The following RPTOR variants were observed in gnomAD, a reference collection of about 807,000 sequenced individuals.
RPTOR encodes regulatory-associated protein of mTOR.
In RPTOR, 21 loss-of-function variants were observed where a neutral mutation model predicts 169.9. The ratio of observed to expected loss-of-function variants is 0.12; its 90% CI spans 0.09 to 0.18. RPTOR has a LOEUF of 0.18. Ranked by LOEUF, RPTOR falls within the 10% of genes least tolerant of loss-of-function variation. RPTOR has a pLI of 1.00. For missense variants in RPTOR, 1,133 were observed against 1,855.9 expected (o/e 0.61, Z 7.16); for synonymous variants, 732 against 753.2 (o/e 0.97, Z 0.46).
chr17:80,568,716 CTAGA>C (rs773839168), intron 1 of RPTOR, among the ~76,000 whole-genome samples: 1 of 152,200 alleles, frequency 6.6e-6, no homozygotes, highest in Non-Finnish European at 1.5e-5. Context: ...ATTTTAGATG[CTAGA>C]TATTGTCCCA....
intron 6 of RPTOR, among the ~76,000 whole-genome samples, chr17:80,766,342 C>T (rs761354002): frequency 9.2e-5 from 14 of 152,206 alleles, no homozygotes; most frequent in Non-Finnish European, 1.6e-4. Flanking sequence ...CATGAGGCAC[C>T]ATGTCTGGTC....
intron 20 of RPTOR, among the ~76,000 whole-genome samples, chr17:80,900,753 C>A (rs776675556): frequency 2.6e-5 from 4 of 152,224 alleles, no homozygotes; most frequent in Non-Finnish European, 4.4e-5. Flanking sequence ...CTCGTCCCTC[C>A]ACTCACACGT....
chr17:80,885,011 C>A lies in RPTOR; in HGVS notation c.1846C>A (p.Arg616Ser). ...GTGACCCCCCGCCGCCTTGCAGGTC[C>A]GCTGCGCAGCGGTCTTCGCCCTTGG... ...SLLSDPIPEV[R>S]CAAVFALGTF... is the part of the protein sequence containing the mutation. Residue 616 changes from arginine (R) to serine (S), a missense_variant, in exon 17 of 34, where the codon CGC becomes AGC. Coordinates refer to ENST00000306801, the MANE Select transcript of RPTOR (RefSeq NM_020761.3). 1 of 1,608,340 alleles carries A rather than the reference C, an allele frequency of 6.2e-7. No homozygotes were observed.
chr17:80,935,709 A>G (rs1358282864), intron 24 of RPTOR, among the ~76,000 whole-genome samples: 5 of 152,226 alleles, frequency 3.3e-5, no homozygotes, highest in African/African-American at 9.6e-5. Context: ...TTATACAACA[A>G]TTAACTCAGA....
At chr17:80,769,270 G>A (rs1370729108) in intron 6 of RPTOR, among the ~76,000 whole-genome samples, 1 of 152,146 alleles carries the variant, frequency 6.6e-6, no homozygotes, top group Non-Finnish European at 1.5e-5. Flanking sequence ...CCTCTTCTTT[G>A]GTTTCTCGTT....
chr17:80,567,292 A>AT lies in RPTOR; in HGVS notation c.162+21512dup, dbSNP rs954598679. ...AACCTATACCTTTTTGTTTTATTTTATTTTTTTTTTTGGTGGTGGTTCTAA... is the reference window on the plus strand; with the variant it reads ...AACCTATACCTTTTTGTTTTATTTTATTTTTTTTTTTTGGTGGTGGTTCTAA... On this transcript the variant is annotated intron_variant, in intron 1 of 33. Transcript: ENST00000306801. Among the ~76,000 whole-genome samples, 490 of 143,646 alleles carry AT rather than the reference A, an allele frequency of 3.4e-3. 1 individual carries two copies. Among genetic ancestry groups the AT allele is most frequent in the Non-Finnish European group, 5.4e-3 (354 of 65,226 alleles). 94.2% of individuals were successfully genotyped at this position (143,646 alleles called of 152,430 possible).
intron 3 of RPTOR, among the ~76,000 whole-genome samples, chr17:80,677,354 C>G (rs192819964): frequency 6.6e-6 from 1 of 152,318 alleles, no homozygotes. Context: ...GGCACTTGCT[C>G]TCCACTCTGG....
At chr17:80,918,445 A>AGTCATAGCCACGAGCACCCTCACGGGG (rs2068702050) in intron 21 of RPTOR, among the ~76,000 whole-genome samples, 4 of 84,392 alleles carry the variant, frequency 4.7e-5, no homozygotes, top group Admixed American at 1.1e-4. Flanking sequence ...CCCTCGCCGG[A>AGTCATAGCCACGAGCACCCTCACGGGG]GTCATAGCCA....
intron 2 of RPTOR, among the ~76,000 whole-genome samples, chr17:80,640,417 G>A (rs891733186): frequency 1.4e-4 from 22 of 152,034 alleles, no homozygotes; most frequent in Admixed American, 7.2e-4. Flanking sequence ...ATTCTTTCCC[G>A]TCTCTTCCTC....
chr17:80,764,184 C>G (rs1598289026), intron 6 of RPTOR, among the ~76,000 whole-genome samples: 4 of 136,414 alleles, frequency 2.9e-5, no homozygotes, highest in Admixed American at 2.9e-4. Flanking sequence ...TATTATTATA[C>G]TTTTAAGTTT....
intron 1 of RPTOR, among the ~76,000 whole-genome samples, chr17:80,600,840 C>T (rs2065179700): frequency 6.6e-6 from 1 of 151,692 alleles, no homozygotes; most frequent in Admixed American, 6.6e-5. Flanking sequence ...CCAGAGATGA[C>T]CGCAGCAGCA....
At chr17:80,666,578 G>A (rs968825767) in intron 3 of RPTOR, among the ~76,000 whole-genome samples, 2 of 152,218 alleles carry the variant, frequency 1.3e-5, no homozygotes, top group Admixed American at 6.5e-5. Context: ...GCTAGTTGCT[G>A]TGGATATAAC....
At chr17:80,874,217 T>C (rs2068081488) in intron 13 of RPTOR, among the ~76,000 whole-genome samples, 1 of 151,906 alleles carries the variant, frequency 6.6e-6, no homozygotes. Context: ...TTTTTTTTTT[T>C]TAGACAGTCT....
chr17:80,830,774 G>A (rs988429182), intron 9 of RPTOR, among the ~76,000 whole-genome samples: 20 of 150,992 alleles, frequency 1.3e-4, no homozygotes, highest in Non-Finnish European at 1.9e-4. Context: ...TTTCGGAGGC[G>A]GGGTCTCGCT....
intron 1 of RPTOR, among the ~76,000 whole-genome samples, chr17:80,591,827 GA>G (rs2065110132): frequency 6.6e-6 from 1 of 152,176 alleles, no homozygotes; most frequent in South Asian, 2.1e-4. Context: ...GGGGATTAGG[GA>G]AAAGATTAGG....
Position 80,846,469 on chromosome 17 carries a change from G to A in RPTOR, c.1213-4G>A, listed in dbSNP as rs774153020. 42 of 1,613,552 alleles carry A rather than the reference G, an allele frequency of 2.6e-5. No individual in the cohort carries two copies. Among genetic ancestry groups the A allele is most frequent in the South Asian group, 1.4e-4 (13 of 91,066 alleles). ...AACAAGCACCTGTTCTGCTTGCCCC[G>A]CAGCACAGCCCGTTCTTCGCCGAGC... On this transcript the variant is annotated splice_polypyrimidine_tract_variant and splice_region_variant and intron_variant, in intron 10 of 33. Transcript: ENST00000306801.
intron 3 of RPTOR, among the ~76,000 whole-genome samples, chr17:80,649,382 A>G (rs1204180850): frequency 6.6e-6 from 1 of 152,068 alleles, no homozygotes; most frequent in Non-Finnish European, 1.5e-5. Context: ...TTACCATTCC[A>G]TCATCCATCC....
At chr17:80,658,391 CT>C (rs1379649100) in intron 3 of RPTOR, among the ~76,000 whole-genome samples, 1 of 151,974 alleles carries the variant, frequency 6.6e-6, no homozygotes, top group African/African-American at 2.4e-5. Context: ...TCTATGTCAA[CT>C]TTTTTTTAAG....
chr17:80,670,514 A>AT (rs1011881908), intron 3 of RPTOR, among the ~76,000 whole-genome samples: 16 of 151,764 alleles, frequency 1.1e-4, no homozygotes, highest in African/African-American at 3.9e-4. Context: ...TTTGTACCCT[A>AT]TTTTTTTGAT....
Sources: allele counts gnomAD v4.1 joint callset (sites outside exome capture counted in the v4.1 genomes callset), GRCh38; gene constraint gnomAD v4.1.1; transcripts MANE v1.5; gene names NCBI Gene and HGNC (gene_info 2026-07-23, HGNC 2026-07-21).